The following PCSK6 variants were observed in gnomAD, a reference collection of about 807,000 sequenced individuals.
The protein encoded by PCSK6 is paired basic amino acid cleaving enzyme 4.
A neutral mutation model predicts 123.3 loss-of-function variants in PCSK6; 85 were observed. That is an observed-to-expected ratio of 0.69 (90% confidence interval 0.58 to 0.83). The LOEUF (loss-of-function observed/expected upper bound fraction) is 0.83, where lower values mean the gene tolerates loss of function less well. Ranked by LOEUF, PCSK6 falls within the 40% of genes least tolerant of loss-of-function variation. The probability of loss-of-function intolerance (pLI) is 0.00; values close to 1 mark genes in which losing one functional copy is unlikely to be tolerated. For missense variants in PCSK6, 1,191 were observed against 1,282.3 expected (o/e 0.93, Z 1.09); for synonymous variants, 508 against 516.0 (o/e 0.98, Z 0.21).
In PCSK6 at chr15:101,364,265, C is replaced by T. The variant is rs548402883; in HGVS notation, c.1858+1931G>A. ...AGTGAAAGCAAACCTTGAGGAAACT[C>T]GCCCATAGAAAAGCAAGATCCCAGC... On this transcript the variant is annotated intron_variant, in intron 13 of 21. Coordinates refer to ENST00000611716, the MANE Select transcript of PCSK6 (RefSeq NM_002570.5). Among the ~76,000 whole-genome samples the T allele has an allele frequency of 3.7e-4, 56 of 152,266 alleles. No homozygotes were observed. In the Middle Eastern group the frequency reaches 0.01, roughly 28 times the overall value.
At chr15:101,311,285 A>AAT (rs2039856262) in intron 20 of PCSK6, among the ~76,000 whole-genome samples, 2 of 114,956 alleles carry the variant, frequency 1.7e-5, no homozygotes, top group African/African-American at 6.4e-5. Context: ...TAATTTTTGC[A>AAT]TTTTTTTTTT....
intron 3 of PCSK6, 46 bp downstream of exon 3, chr15:101,431,944 G>T: frequency 7.5e-7 from 1 of 1,325,440 alleles, no homozygotes; most frequent in Non-Finnish European, 1.1e-6. Flanking sequence ...TCAGAGACCT[G>T]GCAGTGCAAG....
At chr15:101,435,634 G>A (rs536916078) in intron 2 of PCSK6, among the ~76,000 whole-genome samples, 160 of 152,390 alleles carry the variant, frequency 1.0e-3, no homozygotes, top group African/African-American at 3.7e-3. Context: ...GGGGCAGGGA[G>A]TTCTAATCAT....
chr15:101,371,527 C>T lies in PCSK6; in HGVS notation c.1533-1004G>A, dbSNP rs576031718. On this transcript the variant is annotated intron_variant, in intron 11 of 21. Coordinates refer to ENST00000611716, the MANE Select transcript of PCSK6 (RefSeq NM_002570.5). ...AGCATTGAAAATAGAAGTCACAATGCTAAATAACAGCAATCAGCAAACATT... is the reference window on the plus strand; with the variant it reads ...AGCATTGAAAATAGAAGTCACAATGTTAAATAACAGCAATCAGCAAACATT... Among the ~76,000 whole-genome samples, 23 of 152,366 alleles carry T rather than the reference C, an allele frequency of 1.5e-4. No homozygotes were observed. In the South Asian group the frequency reaches 4.6e-3, roughly 30 times the overall value.
chr15:101,359,118 T>C (rs1334854158), intron 13 of PCSK6, among the ~76,000 whole-genome samples: 1 of 152,206 alleles, frequency 6.6e-6, no homozygotes, highest in Non-Finnish European at 1.5e-5. Context: ...TTGCTGTTTC[T>C]GGACCACATT....
At chr15:101,460,018 G>C (rs2057303988) in intron 1 of PCSK6, among the ~76,000 whole-genome samples, 1 of 152,164 alleles carries the variant, frequency 6.6e-6, no homozygotes, top group South Asian at 2.1e-4. Flanking sequence ...AATTCCATCT[G>C]ATGTTTGCCA....
chr15:101,456,069 AT>A (rs1211993510), intron 1 of PCSK6, among the ~76,000 whole-genome samples: 1 of 152,196 alleles, frequency 6.6e-6, no homozygotes, highest in Non-Finnish European at 1.5e-5. Flanking sequence ...TTGCACTAAC[AT>A]CTGTGGCTTA....
At chr15:101,420,039 A>C (rs1177601894) in intron 6 of PCSK6, among the ~76,000 whole-genome samples, 1 of 152,048 alleles carries the variant, frequency 6.6e-6, no homozygotes, top group East Asian at 1.9e-4. Flanking sequence ...AAATACAAAA[A>C]AATTAGCCAG....
chr15:101,481,785 GT>G lies in PCSK6; in HGVS notation c.297+7588del, dbSNP rs1334017700. Among the ~76,000 whole-genome samples, 4 of 152,346 alleles carry G rather than the reference GT, an allele frequency of 2.6e-5. No individual in the cohort carries two copies. The East Asian group carries it at 7.7e-4, about 29-fold the overall frequency. ...AGGAGGTTTCAGCAAAAGATGATTAGTCCAGCTGATAAATGTGCAGCTTGAG... is the reference window on the plus strand; with the variant it reads ...AGGAGGTTTCAGCAAAAGATGATTAGCCAGCTGATAAATGTGCAGCTTGAG... On this transcript the variant is annotated intron_variant, in intron 1 of 21. Coordinates refer to ENST00000611716, the MANE Select transcript of PCSK6 (RefSeq NM_002570.5).
intron 13 of PCSK6, among the ~76,000 whole-genome samples, chr15:101,348,261 G>A (rs2040795320): frequency 1.3e-5 from 2 of 152,256 alleles, no homozygotes; most frequent in Non-Finnish European, 2.9e-5. Context: ...GGCTGGGGGA[G>A]CCGAGGCAAG....
chr15:101,403,598 T>C lies in PCSK6; in HGVS notation c.824-5022A>G, dbSNP rs115851170. 9.4e-3 allele frequency among the ~76,000 whole-genome samples: 1,429 copies of C among 152,272 alleles called. 17 individuals are homozygous for C. The highest frequency in any genetic ancestry group is 0.033 in the African/African-American group (1,367 of 41,552). On this transcript the variant is annotated intron_variant, in intron 6 of 21. Transcript: ENST00000611716. Reference sequence around the variant, plus strand: ...GATACCCATGAACCCTGCAGCCCAATGCAAGAACAAGAACGTGACCCACTG... The same window carrying C: ...GATACCCATGAACCCTGCAGCCCAACGCAAGAACAAGAACGTGACCCACTG...
At chr15:101,370,177 G>A (rs1171665645) in intron 12 of PCSK6, among the ~76,000 whole-genome samples, 158 bp downstream of exon 12, 2 of 152,278 alleles carry the variant, frequency 1.3e-5, no homozygotes, top group African/African-American at 4.8e-5. Context: ...TACATGCAAG[G>A]GTCTCCAAGA....
intron 6 of PCSK6, among the ~76,000 whole-genome samples, chr15:101,405,830 C>A (rs2042760049): frequency 6.6e-6 from 1 of 152,084 alleles, no homozygotes; most frequent in Non-Finnish European, 1.5e-5. Context: ...TGCAACCTCG[C>A]CTCCCAGGTT....
intron 13 of PCSK6, among the ~76,000 whole-genome samples, chr15:101,357,593 G>A (rs1460614774): frequency 6.6e-6 from 1 of 152,248 alleles, no homozygotes; most frequent in African/African-American, 2.4e-5. Flanking sequence ...CGTGCAGGCA[G>A]GCTGGGCTTC....
intron 13 of PCSK6, among the ~76,000 whole-genome samples, chr15:101,335,175 G>A (rs945477404): frequency 3.3e-5 from 5 of 152,160 alleles, no homozygotes; most frequent in Admixed American, 2.6e-4. Context: ...TCTCAGGCTG[G>A]TCTCAAACTC....
Position 101,305,444 on chromosome 15 carries a change from A to G in PCSK6, c.2813-89T>C. ...GTTTCAAGGCCGGGCGCGGTGCCTC[A>G]TGCCTGTAATCCCAGCACTTTGGGA... On this transcript the variant is annotated intron_variant, in intron 21 of 21. Coordinates refer to ENST00000611716, the MANE Select transcript of PCSK6 (RefSeq NM_002570.5). The surrounding 1 kb of genome is among the most constrained non-coding windows in gnomAD (Gnocchi z 4.8). 1.9e-6 allele frequency: 2 copies of G among 1,062,774 alleles called. No individual in the cohort carries two copies. Among genetic ancestry groups the G allele is most frequent in the Non-Finnish European group, 2.8e-6 (2 of 715,132 alleles). The allele number at this position is 1,062,774 out of a possible 1,614,324, so 65.8% of individuals were successfully genotyped here.
intron 13 of PCSK6, among the ~76,000 whole-genome samples, chr15:101,340,284 G>A (rs1032752002): frequency 7.2e-5 from 11 of 152,094 alleles, no homozygotes; most frequent in Admixed American, 3.3e-4. Flanking sequence ...GGAGATACAA[G>A]GCTTCCCTGT....
At chr15:101,393,704 G>A (rs1398341471) in intron 7 of PCSK6, among the ~76,000 whole-genome samples, 1 of 152,166 alleles carries the variant, frequency 6.6e-6, no homozygotes, top group East Asian at 1.9e-4. Context: ...GGAAAATCAA[G>A]GGTCCCAACA....
chr15:101,482,953 G>A lies in PCSK6; in HGVS notation c.297+6421C>T, dbSNP rs548065966. On this transcript the variant is annotated intron_variant, in intron 1 of 21. Transcript: ENST00000611716. ...TCCAATGACTCAGGAGGGCAGTCCG[G>A]TCAATTAAACTCCTGCCCACTTAAA... is the stretch of plus-strand genomic sequence containing the variant. 8.8e-4 allele frequency among the ~76,000 whole-genome samples: 134 copies of A among 152,320 alleles called. 1 individual carries two copies. The highest frequency in any genetic ancestry group is 3.1e-3 in the African/African-American group (129 of 41,558).
Sources: gnomAD v4.1 joint callset for allele counts (sites outside exome capture counted in the v4.1 genomes callset) on GRCh38, gnomAD v4.1.1 for gene constraint, Gnocchi (gnomAD v3.1) non-coding constraint, MANE v1.5 for transcripts, NCBI Gene and HGNC (gene_info 2026-07-23, HGNC 2026-07-21) for gene names.